GPR161: variants seen among roughly 807,000 people sequenced by gnomAD.
GPR161 encodes G protein-coupled receptor 161, also known as G-protein coupled receptor RE2.
In GPR161, 25 loss-of-function variants were observed where a neutral mutation model predicts 39.2. That is an observed-to-expected ratio of 0.64 (90% confidence interval 0.47 to 0.89). The LOEUF (loss-of-function observed/expected upper bound fraction) is 0.89. Ranked by LOEUF, GPR161 falls within the 40% of genes least tolerant of loss-of-function variation. The pLI is 0.00. For missense variants in GPR161, 547 were observed against 677.8 expected (o/e 0.81, Z 2.14); for synonymous variants, 286 against 276.6 (o/e 1.03, Z -0.34).
chr1:168,104,461 T>C lies in GPR161; in HGVS notation c.374+16A>G. On this transcript the variant is annotated intron_variant, in intron 2 of 5. Coordinates refer to ENST00000682931, the MANE Select transcript of GPR161 (RefSeq NM_001375883.1). ...GTCAGTAATCCCTCAATTCTCTAAG[T>C]CTGAGGCATGCTTACCGGTCGATGG... 6.2e-7 allele frequency: 1 copy of C among 1,603,214 alleles called. No homozygotes were observed. Among genetic ancestry groups the C allele is most frequent in the South Asian group, 1.1e-5 (1 of 90,246 alleles).
intron 2 of GPR161, among the ~76,000 whole-genome samples, chr1:168,103,887 C>T (rs971118904): frequency 6.6e-6 from 1 of 152,212 alleles, no homozygotes; most frequent in African/African-American, 2.4e-5. Context: ...CTGAAGAACC[C>T]GCGAGATGCT....
rs1694006472 is a variant in GPR161, at chr1:168,080,724, A to T, written c.*4807T>A. ...AGAATGTCCTTTCTGGACTGTAAGG[A>T]AGGTCAAGCTGTATTTGTGCTATGA... On this transcript the variant is annotated 3_prime_UTR_variant, in exon 6 of 6. Transcript: ENST00000682931. The T allele has an allele frequency of 6.6e-6, 1 of 152,242 alleles. No individual in the cohort carries two copies. 9.4% of individuals were successfully genotyped at this position (152,242 alleles called of 1,614,324 possible).
At chr1:168,122,949 T>C (rs575816273) in intron 1 of GPR161, among the ~76,000 whole-genome samples, 1 of 152,318 alleles carries the variant, frequency 6.6e-6, no homozygotes, top group Admixed American at 6.5e-5. Context: ...CCTAGAAAAG[T>C]GCCTGGCACA....
In GPR161 at chr1:168,080,096, T is replaced by C. The variant is rs867594811; in HGVS notation, c.*5435A>G. 1.3e-5 allele frequency: 2 copies of C among 152,192 alleles called. No homozygotes were observed. The highest frequency in any genetic ancestry group is 6.5e-5 in the Admixed American group (1 of 15,278). 9.4% of individuals were successfully genotyped at this position (152,192 alleles called of 1,614,324 possible). ...TGTTTTCAAAGGAATCTTCAAGGTA[T>C]TGGAAATACTTTGGAATCCAAAGTA... is the stretch of plus-strand genomic sequence containing the variant. On this transcript the variant is annotated 3_prime_UTR_variant, in exon 6 of 6. Transcript: ENST00000682931.
At chr1:168,091,525 C>CA (rs1354385593) in intron 3 of GPR161, among the ~76,000 whole-genome samples, 1 of 152,182 alleles carries the variant, frequency 6.6e-6, no homozygotes, top group Non-Finnish European at 1.5e-5. Flanking sequence ...GACCAACCCA[C>CA]AGTCAGGAAG....
chr1:168,100,907 C>T (rs939934278), intron 2 of GPR161, among the ~76,000 whole-genome samples: 2 of 152,316 alleles, frequency 1.3e-5, no homozygotes, highest in East Asian at 1.9e-4. Context: ...CCATTACAGA[C>T]TTCTAAGTAA....
Position 168,084,963 on chromosome 1 carries a change from T to G in GPR161, c.*568A>C, listed in dbSNP as rs1450125935. ...CACTGAGGACCGCTCCGAAGCGCTCTGCTCCTGGGTGCTTTCTCTGCGGAC... is the reference window on the plus strand; with the variant it reads ...CACTGAGGACCGCTCCGAAGCGCTCGGCTCCTGGGTGCTTTCTCTGCGGAC... On this transcript the variant is annotated 3_prime_UTR_variant, in exon 6 of 6. Coordinates refer to ENST00000682931, the MANE Select transcript of GPR161 (RefSeq NM_001375883.1). The G allele has an allele frequency of 2.2e-6, 1 of 456,206 alleles. No homozygotes were observed. The highest frequency in any genetic ancestry group is 3.2e-4 in the Middle Eastern group (1 of 3,098). 28.3% of individuals were successfully genotyped at this position (456,206 alleles called of 1,614,324 possible). A position where few individuals can be genotyped will look rare whatever the true frequency, so the allele number is the denominator to read the frequency against.
intron 2 of GPR161, among the ~76,000 whole-genome samples, chr1:168,099,363 T>C (rs1254144427): frequency 1.7e-5 from 1 of 58,104 alleles, no homozygotes; most frequent in Non-Finnish European, 3.4e-5. Flanking sequence ...GATTTCTACT[T>C]TTTTTCTATC....
intron 1 of GPR161, chr1:168,136,405 C>T: frequency 7.1e-7 from 1 of 1,399,150 alleles, no homozygotes; most frequent in Non-Finnish European, 9.3e-7. Flanking sequence ...ATCCAGCGGA[C>T]TGTTTAGGGG....
chr1:168,137,029 C>T, upstream of GPR161: 1 of 817,738 alleles, frequency 1.2e-6, no homozygotes, highest in Non-Finnish European at 1.5e-6. Context: ...CCCGCACTGC[C>T]CCGCCCCGCC....
At chr1:168,126,992 C>G (rs1356267344) in intron 1 of GPR161, among the ~76,000 whole-genome samples, 1 of 152,182 alleles carries the variant, frequency 6.6e-6, no homozygotes, top group Non-Finnish European at 1.5e-5. Context: ...GTCTCTTAAT[C>G]TCTCTGAGAC....
rs780816500 is a variant in GPR161 at position 168,097,064 on chromosome 1, A to C, written c.543T>G (p.Ala181=). The C allele has an allele frequency of 1.2e-6, 2 of 1,614,138 alleles. No individual in the cohort carries two copies. Among genetic ancestry groups the C allele is most frequent in the South Asian group, 2.2e-5 (2 of 91,078 alleles). The change falls in exon 3 of 6, where the codon GCT becomes GCG. Residue 181 remains alanine (A), a synonymous_variant. Coordinates refer to ENST00000682931, the MANE Select transcript of GPR161 (RefSeq NM_001375883.1). The part of the protein sequence containing the change: ...FDEFKWMCVA[A]WHREPGYTAF... ...CCGTGTAGCCAGGCTCCCGGTGCCA[A>C]GCAGCCACACACATCCATTTGAACT...
rs1225532337 is a variant in GPR161, at chr1:168,081,476, G to T, written c.*4055C>A. ...AAGAAACACCAGTGGCTCAGCTTCA[G>T]CTGCACCCCAGGCATTGTGCTGCAT... is the stretch of plus-strand genomic sequence containing the variant. On this transcript the variant is annotated 3_prime_UTR_variant, in exon 6 of 6. Coordinates refer to ENST00000682931, the MANE Select transcript of GPR161 (RefSeq NM_001375883.1). 6.6e-6 allele frequency: 1 copy of T among 152,210 alleles called. No individual in the cohort carries two copies. The highest frequency in any genetic ancestry group is 2.4e-5 in the African/African-American group (1 of 41,446). The allele number at this position is 152,210 out of a possible 1,614,324, so 9.4% of individuals were successfully genotyped here.
intron 4 of GPR161, chr1:168,089,189 A>T (rs1018893144): frequency 6.8e-5 from 10 of 146,778 alleles, no homozygotes; most frequent in African/African-American, 2.2e-4. Context: ...GTGGCAAATA[A>T]CTGCTGAATG....
At chr1:168,119,192 C>A in intron 1 of GPR161, among the ~76,000 whole-genome samples, 1 of 105,918 alleles carries the variant, frequency 9.4e-6, no homozygotes, top group African/African-American at 4.0e-5. Context: ...CCCAAATCTC[C>A]ATCATATATA....
At chr1:168,095,914 C>T (rs1050474287) in intron 3 of GPR161, among the ~76,000 whole-genome samples, 7 of 152,068 alleles carry the variant, frequency 4.6e-5, no homozygotes, top group African/African-American at 1.4e-4. Context: ...GTGGGCGGAT[C>T]ACTTGAGGTC....
intron 1 of GPR161, among the ~76,000 whole-genome samples, chr1:168,106,236 G>C (rs538954425): frequency 6.6e-6 from 1 of 152,286 alleles, no homozygotes; most frequent in African/African-American, 2.4e-5. Flanking sequence ...CAGGTCCAAA[G>C]GGGCAATTAT....
chr1:168,103,580 C>T (rs1041494642), intron 2 of GPR161, among the ~76,000 whole-genome samples: 1 of 152,094 alleles, frequency 6.6e-6, no homozygotes, highest in African/African-American at 2.4e-5. Flanking sequence ...TACCACTCAT[C>T]GACTGAAAAA....
chr1:168,127,326 A>C (rs1007790511), intron 1 of GPR161, among the ~76,000 whole-genome samples: 1 of 152,012 alleles, frequency 6.6e-6, no homozygotes, highest in Admixed American at 6.5e-5. Flanking sequence ...CTCTATTAAA[A>C]ATACAAAAAT....
Sources: gnomAD v4.1 joint callset for allele counts (sites outside exome capture counted in the v4.1 genomes callset) on GRCh38, gnomAD v4.1.1 for gene constraint, MANE v1.5 for transcripts, NCBI Gene and HGNC (gene_info 2026-07-23, HGNC 2026-07-21) for gene names.